The following SUSD6 variants were observed in gnomAD, a reference collection of about 807,000 sequenced individuals.
SUSD6 encodes the protein sushi domain containing 6.
Under a neutral mutation model 28.4 loss-of-function variants are expected in SUSD6, and 16 were observed. The observed-to-expected ratio is 0.56, with a 90% CI of 0.38 to 0.86. The LOEUF (loss-of-function observed/expected upper bound fraction) is 0.86, where lower values mean the gene tolerates loss of function less well. SUSD6 is among the 40% of genes least tolerant of loss of function. The pLI is 0.00. For missense variants in SUSD6, 341 were observed against 384.2 expected (o/e 0.89, Z 0.94); for synonymous variants, 147 against 159.6 (o/e 0.92, Z 0.59).
At chr14:69,625,571 A>G (rs1885102252) in intron 1 of SUSD6, among the ~76,000 whole-genome samples, 1 of 152,214 alleles carries the variant, frequency 6.6e-6, no homozygotes, top group Non-Finnish European at 1.5e-5. Context: ...TGTGAAGCTC[A>G]GCAGAACATG....
intron 2 of SUSD6, among the ~76,000 whole-genome samples, chr14:69,687,706 G>A (rs1886093526): frequency 6.6e-6 from 1 of 152,200 alleles, no homozygotes; most frequent in East Asian, 1.9e-4. Flanking sequence ...AATTATAGCA[G>A]TATTGTGGGC....
chr14:69,702,763 A>C (rs540560276), intron 2 of SUSD6, among the ~76,000 whole-genome samples: 2 of 152,336 alleles, frequency 1.3e-5, no homozygotes, highest in African/African-American at 4.8e-5. Context: ...CAGAGTTGTC[A>C]GGACAAATAA....
chr14:69,648,878 G>A (rs1396520629), intron 1 of SUSD6, among the ~76,000 whole-genome samples: 1 of 152,012 alleles, frequency 6.6e-6, no homozygotes, highest in Non-Finnish European at 1.5e-5. Flanking sequence ...ACAAAATTAA[G>A]TTTTTTTTCC....
chr14:69,648,433 C>T (rs1885458682), intron 1 of SUSD6, among the ~76,000 whole-genome samples: 1 of 152,198 alleles, frequency 6.6e-6, no homozygotes, highest in Non-Finnish European at 1.5e-5. Context: ...CCTGAGAACT[C>T]ACTTTCTCTG....
chr14:69,698,750 G>C (rs910858576), intron 2 of SUSD6, among the ~76,000 whole-genome samples: 2 of 152,186 alleles, frequency 1.3e-5, no homozygotes, highest in Non-Finnish European at 2.9e-5. Context: ...TTGTTACCAG[G>C]GTGGACTTTG....
At chr14:69,667,862 T>C (rs114491947) in intron 2 of SUSD6, among the ~76,000 whole-genome samples, 42 of 152,354 alleles carry the variant, frequency 2.8e-4, no homozygotes, top group African/African-American at 9.9e-4. Context: ...TGTTCTTGAT[T>C]CCATATGTGT....
chr14:69,662,609 T>C (rs1478346389), intron 2 of SUSD6, among the ~76,000 whole-genome samples: 1 of 152,224 alleles, frequency 6.6e-6, no homozygotes, highest in Non-Finnish European at 1.5e-5. Context: ...TCTTCACACC[T>C]AGTCACACCA....
Position 69,703,730 on chromosome 14 carries a change from C to T in SUSD6, c.319+138C>T, listed in dbSNP as rs1594723980. 3 of 734,888 alleles carry T rather than the reference C, an allele frequency of 4.1e-6. No individual in the cohort carries two copies. The South Asian group carries it at 5.1e-5, about 13-fold the overall frequency. The allele number at this position is 734,888 out of a possible 1,614,324, so 45.5% of individuals were successfully genotyped here. Reference sequence around the variant, plus strand: ...CAGTTGATGCTCTGCAGCCTCCCTTCCTTGGGTCTTCATGTCTTTGTGGAA... The same window carrying T: ...CAGTTGATGCTCTGCAGCCTCCCTTTCTTGGGTCTTCATGTCTTTGTGGAA... On this transcript the variant is annotated intron_variant, in intron 3 of 5. Transcript: ENST00000342745.
intron 2 of SUSD6, among the ~76,000 whole-genome samples, chr14:69,694,486 A>C (rs939424457): frequency 6.6e-6 from 1 of 152,172 alleles, no homozygotes; most frequent in Non-Finnish European, 1.5e-5. Context: ...TGTGCTGCTC[A>C]TTGTTTCTCT....
At chr14:69,654,469 G>A (rs1366341460) in intron 1 of SUSD6, among the ~76,000 whole-genome samples, 1 of 152,182 alleles carries the variant, frequency 6.6e-6, no homozygotes, top group African/African-American at 2.4e-5. Flanking sequence ...GGTGTGAAGT[G>A]TCAGGAAAGA....
chr14:69,622,878 G>T (rs1400482259), intron 1 of SUSD6, among the ~76,000 whole-genome samples: 4 of 152,224 alleles, frequency 2.6e-5, no homozygotes. Context: ...GCAGGCGTGA[G>T]CCACAGCGTC....
intron 2 of SUSD6, among the ~76,000 whole-genome samples, chr14:69,674,428 C>T (rs774702522): frequency 9.9e-5 from 15 of 152,168 alleles, no homozygotes; most frequent in Admixed American, 2.0e-4. Flanking sequence ...TCCCTGCTTC[C>T]TTTGTACTCA....
intron 1 of SUSD6, 89 bp from the exon 2 acceptor site, chr14:69,658,424 G>T: frequency 1.6e-6 from 1 of 640,084 alleles, no homozygotes; most frequent in Non-Finnish European, 2.7e-6. Context: ...TCAACTTTGT[G>T]TGTGATTATG....
chr14:69,668,149 G>A (rs1179797820), intron 2 of SUSD6, among the ~76,000 whole-genome samples: 1 of 152,194 alleles, frequency 6.6e-6, no homozygotes, highest in African/African-American at 2.4e-5. Flanking sequence ...CTTCTGGGGA[G>A]GAAGTGGAGG....
intron 2 of SUSD6, among the ~76,000 whole-genome samples, chr14:69,663,489 C>T (rs1885692599): frequency 6.6e-6 from 1 of 152,104 alleles, no homozygotes; most frequent in Non-Finnish European, 1.5e-5. Context: ...GGCAGGTGGC[C>T]CTGGCTCACC....
intron 2 of SUSD6, among the ~76,000 whole-genome samples, chr14:69,701,615 CAGA>C: frequency 6.6e-6 from 1 of 152,176 alleles, no homozygotes; most frequent in Admixed American, 6.5e-5. Context: ...TAAAGAGCAC[CAGA>C]AGGAGTGTTT....
intron 2 of SUSD6, among the ~76,000 whole-genome samples, chr14:69,677,467 A>G (rs1179504877): frequency 6.6e-6 from 1 of 151,786 alleles, no homozygotes; most frequent in Non-Finnish European, 1.5e-5. Context: ...GAATGGCATG[A>G]ACCTGGGAGG....
intron 2 of SUSD6, among the ~76,000 whole-genome samples, chr14:69,679,561 A>G (rs1885967436): frequency 6.6e-6 from 1 of 151,414 alleles, no homozygotes; most frequent in African/African-American, 2.4e-5. Context: ...TTCTTAAAAT[A>G]TTATGAGTTT....
At chr14:69,640,460 G>C (rs1885335791) in intron 1 of SUSD6, among the ~76,000 whole-genome samples, 1 of 151,888 alleles carries the variant, frequency 6.6e-6, no homozygotes. Flanking sequence ...TCAGTCTCCC[G>C]AGTAGCCAGG....
Sources: allele counts gnomAD v4.1 joint callset (sites outside exome capture counted in the v4.1 genomes callset), GRCh38; gene constraint gnomAD v4.1.1; transcripts MANE v1.5; gene names NCBI Gene and HGNC (gene_info 2026-07-23, HGNC 2026-07-21).